Variants in CNTN3 observed in about 807,000 individuals in gnomAD.
The protein encoded by CNTN3 is contactin-3.
A neutral mutation model predicts 119.1 loss-of-function variants in CNTN3; 60 were observed. The observed-to-expected ratio is 0.50, with a 90% CI of 0.41 to 0.62. The LOEUF is 0.62. Ranked by LOEUF, CNTN3 falls within the 20% of genes least tolerant of loss-of-function variation. The probability of loss-of-function intolerance (pLI) is 0.00; values close to 1 mark genes in which losing one functional copy is unlikely to be tolerated. For synonymous variants in CNTN3, 450 were observed against 438.7 expected (o/e 1.03, Z -0.32); for missense variants, 1,101 against 1,242.4 (o/e 0.89, Z 1.71).
intron 4 of CNTN3, among the ~76,000 whole-genome samples, chr3:74,461,045 T>C (rs1240900341): frequency 1.3e-5 from 2 of 151,622 alleles, no homozygotes; most frequent in Non-Finnish European, 2.9e-5. Flanking sequence ...ATGAGAAATG[T>C]TATCATGTAT....
chr3:74,581,184 T>G (rs1220520922), intron 1 of CNTN3, among the ~76,000 whole-genome samples: 2 of 152,008 alleles, frequency 1.3e-5, no homozygotes, highest in Non-Finnish European at 1.5e-5. Flanking sequence ...GGAAAAGAAA[T>G]GTAAAACTGT....
chr3:74,318,866 A>G lies in CNTN3; in HGVS notation c.1668+15869T>C, dbSNP rs1375822324. 2.0e-5 allele frequency among the ~76,000 whole-genome samples: 3 copies of G among 152,266 alleles called. 1 individual carries two copies. Among genetic ancestry groups the G allele is most frequent in the East Asian group, 3.9e-4 (2 of 5,176 alleles). On this transcript the variant is annotated intron_variant, in intron 13 of 22. Coordinates refer to ENST00000263665, the MANE Select transcript of CNTN3 (RefSeq NM_020872.3). ...TTTCCAGCTGCATGCTGGGAGAACC[A>G]CTAGTCTCTTCAAAGCTGTCAGACA...
intron 1 of CNTN3, among the ~76,000 whole-genome samples, chr3:74,567,941 A>C (rs1398188444): frequency 6.6e-6 from 1 of 152,198 alleles, no homozygotes; most frequent in Non-Finnish European, 1.5e-5. Context: ...GATTTTAACA[A>C]TTCCCAGTCA....
intron 1 of CNTN3, among the ~76,000 whole-genome samples, chr3:74,556,227 C>A (rs1176429809): frequency 6.6e-6 from 1 of 152,128 alleles, no homozygotes; most frequent in East Asian, 1.9e-4. Flanking sequence ...AGTTGTGTCA[C>A]CATCATCACT....
intron 4 of CNTN3, among the ~76,000 whole-genome samples, chr3:74,465,308 T>C (rs1702441330): frequency 6.6e-6 from 1 of 152,058 alleles, no homozygotes; most frequent in African/African-American, 2.4e-5. Flanking sequence ...TGCGGACAGG[T>C]AGAAGCAACA....
intron 4 of CNTN3, among the ~76,000 whole-genome samples, chr3:74,475,717 T>C (rs1301513769): frequency 6.6e-6 from 1 of 152,178 alleles, no homozygotes; most frequent in Non-Finnish European, 1.5e-5. Flanking sequence ...CAATTTTTCT[T>C]CTTCATGGAT....
chr3:74,408,640 A>C (rs1339034549), intron 5 of CNTN3, among the ~76,000 whole-genome samples: 1 of 152,088 alleles, frequency 6.6e-6, no homozygotes, highest in Admixed American at 6.6e-5. Flanking sequence ...AATTTACGGC[A>C]GAGATTGTAT....
At chr3:74,285,643 C>G in intron 19 of CNTN3, 152 bp from the exon 20 acceptor site, 1 of 670,490 alleles carries the variant, frequency 1.5e-6, no homozygotes, top group Non-Finnish European at 2.4e-6. Flanking sequence ...CTGCATTAGG[C>G]TGTGTGTCAC....
At chr3:74,499,013 C>T (rs1270172073) in intron 3 of CNTN3, among the ~76,000 whole-genome samples, 2 of 151,798 alleles carry the variant, frequency 1.3e-5, no homozygotes, top group Non-Finnish European at 2.9e-5. Context: ...AATCCATCAT[C>T]ATCCCCAAAA....
At chr3:74,425,742 T>C (rs963795839) in intron 4 of CNTN3, among the ~76,000 whole-genome samples, 14 of 152,024 alleles carry the variant, frequency 9.2e-5, no homozygotes, top group Admixed American at 8.5e-4. Context: ...ATAGCCTAAA[T>C]AGATTTTATT....
At chr3:74,542,687 C>CT (rs1232571085) in intron 1 of CNTN3, among the ~76,000 whole-genome samples, 1 of 152,140 alleles carries the variant, frequency 6.6e-6, no homozygotes, top group Non-Finnish European at 1.5e-5. Flanking sequence ...TTGACTGTAG[C>CT]TAACAGTGTA....
At chr3:74,418,587 C>T (rs1559592065) in intron 5 of CNTN3, among the ~76,000 whole-genome samples, 1 of 151,860 alleles carries the variant, frequency 6.6e-6, no homozygotes, top group Non-Finnish European at 1.5e-5. Flanking sequence ...GCAACCCGCC[C>T]ACCTTGGCTT....
chr3:74,586,823 C>T (rs2106677921), intron 1 of CNTN3, among the ~76,000 whole-genome samples: 1 of 152,178 alleles, frequency 6.6e-6, no homozygotes, highest in East Asian at 1.9e-4. Flanking sequence ...TTGAACACTA[C>T]CCAGAACATA....
chr3:74,530,813 G>A (rs1703682607), intron 1 of CNTN3, among the ~76,000 whole-genome samples: 1 of 151,944 alleles, frequency 6.6e-6, no homozygotes, highest in Admixed American at 6.6e-5. Context: ...GGCTAGCTGG[G>A]GTGGGGAAGA....
chr3:74,417,335 G>GT (rs1300890296), intron 5 of CNTN3, among the ~76,000 whole-genome samples: 1 of 152,152 alleles, frequency 6.6e-6, no homozygotes, highest in East Asian at 1.9e-4. Flanking sequence ...TATTCGACAA[G>GT]TATCAATTTG....
intron 2 of CNTN3, among the ~76,000 whole-genome samples, chr3:74,505,538 AAT>A (rs1703243123): frequency 1.3e-5 from 2 of 148,452 alleles, no homozygotes; most frequent in African/African-American, 2.5e-5. Context: ...ACATACACAC[AAT>A]ATGTTACAGA....
At chr3:74,584,240 C>T (rs78650722) in intron 1 of CNTN3, among the ~76,000 whole-genome samples, 1 of 152,062 alleles carries the variant, frequency 6.6e-6, no homozygotes, top group African/African-American at 2.4e-5. Context: ...CCTTACATAG[C>T]TTCATCTTTG....
intron 19 of CNTN3, among the ~76,000 whole-genome samples, chr3:74,294,144 A>G (rs1203256895): frequency 2.0e-5 from 3 of 152,134 alleles, no homozygotes; most frequent in Non-Finnish European, 2.9e-5. Context: ...CAGGAGTTAC[A>G]TGCTTCCTCA....
chr3:74,566,293 C>T (rs544091867), intron 1 of CNTN3, among the ~76,000 whole-genome samples: 16 of 152,238 alleles, frequency 1.1e-4, no homozygotes, highest in African/African-American at 3.9e-4. Context: ...AGAGCTGTTA[C>T]CACCCCCAGG....
Sources: gnomAD v4.1 joint callset for allele counts (sites outside exome capture counted in the v4.1 genomes callset) on GRCh38, gnomAD v4.1.1 for gene constraint, MANE v1.5 for transcripts, NCBI Gene and HGNC (gene_info 2026-07-23, HGNC 2026-07-21) for gene names.